Variants in TFR2 observed in about 807,000 individuals in gnomAD.
The protein encoded by TFR2 is transferrin receptor protein 2.
In TFR2, 64 loss-of-function variants were observed where a neutral mutation model predicts 91.9. The observed-to-expected ratio is 0.70, with a 90% confidence interval of 0.57 to 0.86. The LOEUF (loss-of-function observed/expected upper bound fraction) is 0.86, where lower values mean the gene tolerates loss of function less well. Ranked by LOEUF, TFR2 falls within the 40% of genes least tolerant of loss-of-function variation. TFR2 has a pLI of 0.00. For missense variants in TFR2, 950 were observed against 1,080.5 expected, an observed-to-expected ratio of 0.88 and a Z score of 1.69; for synonymous variants, 454 against 459.6, an observed-to-expected ratio of 0.99 and a Z score of 0.15.
At position 100,627,648 on chromosome 7, in the gene TFR2, G is replaced by A; in HGVS notation, c.1696C>T (p.Pro566Ser). 6.2e-7 allele frequency: 1 copy of A among 1,614,028 alleles called. No homozygotes were observed. The highest frequency in any genetic ancestry group is 2.2e-5 in the East Asian group (1 of 44,896). Residue 566 changes from proline (P) to serine (S), a missense_variant, in exon 15 of 18, where the codon CCC becomes TCC. By Grantham distance (74) the Pro-to-Ser change is moderately conservative. Coordinates refer to ENST00000223051, the MANE Select transcript of TFR2 (RefSeq NM_003227.4). ...AAGGAATAGGCACTGCTGTCCATGG[G>A]TAGGGGCCGGATCCTGGGGGCAGGT... ...SWDAEVIRPLPMDSSAYSFTA... is the reference protein window; with the variant it reads ...SWDAEVIRPLSMDSSAYSFTA...
Position 100,620,930 on chromosome 7 carries a change from A to G in TFR2, c.2333T>C (p.Leu778Pro), listed in dbSNP as rs1803085473. ...QESRFRRQLA[L>P]LTWTLQGAAN... ...TGCCCCTTGCAGCGTCCAGGTGAGCAGGGCTAGCTGACGCCGGAAACGGCT... is the reference window on the plus strand; with the variant it reads ...TGCCCCTTGCAGCGTCCAGGTGAGCGGGGCTAGCTGACGCCGGAAACGGCT... The change falls in exon 18 of 18, where the codon CTG (leucine) becomes CCG (proline). Residue 778 changes from leucine (L) to proline (P), a missense_variant. By Grantham distance (98) the Leu-to-Pro change is moderately conservative. Transcript: ENST00000223051. The G allele has an allele frequency of 6.2e-7, 1 of 1,614,066 alleles. No individual in the cohort carries two copies. The highest frequency in any genetic ancestry group is 8.5e-7 in the Non-Finnish European group (1 of 1,179,998).
At chr7:100,632,856 C>T in intron 6 of TFR2, 145 bp downstream of exon 6, 1 of 1,412,508 alleles carries the variant, frequency 7.1e-7, no homozygotes, top group African/African-American at 1.4e-5. Flanking sequence ...CAGGTGAGAA[C>T]CATCGTGCCC....
chr7:100,630,049 C>G (rs1185584748), intron 9 of TFR2, among the ~76,000 whole-genome samples: 1 of 151,940 alleles, frequency 6.6e-6, no homozygotes, highest in Non-Finnish European at 1.5e-5. Context: ...CAGCCAATTT[C>G]TCTTATTTTT....
At position 100,631,840 on chromosome 7, in the gene TFR2, G is replaced by C; in HGVS notation, c.1072C>G (p.Pro358Ala). The C allele has an allele frequency of 6.2e-7, 1 of 1,613,670 alleles. No homozygotes were observed. The highest frequency in any genetic ancestry group is 8.5e-7 in the Non-Finnish European group (1 of 1,179,852). ...SSGLPSIPAQ[P>A]ISADIASRLL... is the part of the protein sequence containing the mutation. ...CGGGAGGCAATGTCTGCACTGATGG[G>C]CTGGGCTGGGATGCTGGGAAGGCCT... The change falls in exon 8 of 18, where the codon CCC (proline) becomes GCC (alanine). Residue 358 changes from proline (P) to alanine (A), a missense_variant. Transcript: ENST00000223051.
At chr7:100,637,832 T>G (rs902416000) in intron 3 of TFR2, among the ~76,000 whole-genome samples, 16 of 45,770 alleles carry the variant, frequency 3.5e-4, no homozygotes, top group South Asian at 9.9e-4. Flanking sequence ...TTAATGTAAT[T>G]TAATTTTTTT....
Position 100,640,889 on chromosome 7 carries a change from TG to T in TFR2, c.287-18del, listed in dbSNP as rs769314543. 2 of 1,613,856 alleles carry T rather than the reference TG, an allele frequency of 1.2e-6. No homozygotes were observed. The highest frequency in any genetic ancestry group is 2.7e-5 in the African/African-American group (2 of 75,002). ...GTAGGAAGGCTGGCGGGTGGCAAGA[TG>T]GGGATTCTCTTTATGCCCACCTCTG... is the stretch of plus-strand genomic sequence containing the variant. On this transcript the variant is annotated intron_variant, in intron 2 of 17. Coordinates refer to ENST00000223051, the MANE Select transcript of TFR2 (RefSeq NM_003227.4).
rs756044574 is a variant in TFR2, at chr7:100,627,740, T to G, written c.1682+4A>C. 2.5e-5 allele frequency: 41 copies of G among 1,611,626 alleles called. No homozygotes were observed. The highest frequency in any genetic ancestry group is 3.4e-5 in the Non-Finnish European group (40 of 1,178,558). The stretch of plus-strand genomic sequence containing the variant: ...CCCCAGCTCTCCCTACCCCCCCAAC[T>G]TACACCTCAGCATCCCAGCTGGGAT... On this transcript the variant is annotated splice_donor_region_variant and intron_variant, in intron 14 of 17. Coordinates refer to ENST00000223051, the MANE Select transcript of TFR2 (RefSeq NM_003227.4).
chr7:100,620,945 C>T lies in TFR2; in HGVS notation c.2318G>A (p.Arg773Gln), dbSNP rs369462289. Reference protein sequence around the residue: ...SSTGFQESRFRRQLALLTWTL... With the variant: ...SSTGFQESRFQRQLALLTWTL... ...CCAGGTGAGCAGGGCTAGCTGACGCCGGAAACGGCTCTCCTGGAAGCCAGT... is the reference window on the plus strand; with the variant it reads ...CCAGGTGAGCAGGGCTAGCTGACGCTGGAAACGGCTCTCCTGGAAGCCAGT... Residue 773 changes from arginine to glutamine, a missense_variant, in exon 18 of 18, where the codon CGG (arginine) becomes CAG (glutamine). Transcript: ENST00000223051. The T allele has an allele frequency of 2.4e-5, 39 of 1,613,818 alleles. No homozygotes were observed. The highest frequency in any genetic ancestry group is 1.3e-4 in the South Asian group (12 of 91,048).
chr7:100,641,385 G>A (rs766329806), intron 1 of TFR2, 92 bp downstream of exon 1: 20 of 1,558,252 alleles, frequency 1.3e-5, no homozygotes, highest in Admixed American at 1.3e-4. Flanking sequence ...GTCAGGACAC[G>A]GTCCAGGAGG....
At chr7:100,624,896 C>T (rs1445101549) in intron 17 of TFR2, among the ~76,000 whole-genome samples, 1 of 151,370 alleles carries the variant, frequency 6.6e-6, no homozygotes, top group Non-Finnish European at 1.5e-5. Context: ...AAAAAACAAG[C>T]GGCAGTTTGA....
intron 6 of TFR2, chr7:100,632,711 G>A (rs1261243697): frequency 2.8e-4 from 94 of 335,074 alleles, no homozygotes; most frequent in African/African-American, 2.5e-3. Flanking sequence ...CACCAGCCCA[G>A]CTAACTAAAA....
intron 3 of TFR2, among the ~76,000 whole-genome samples, chr7:100,638,345 C>T (rs1803618910): frequency 6.6e-6 from 1 of 152,002 alleles, no homozygotes; most frequent in Admixed American, 6.6e-5. Flanking sequence ...GGTGCGGTAC[C>T]TCATTCCTAT....
At chr7:100,621,900 G>A (rs1349298039) in intron 17 of TFR2, among the ~76,000 whole-genome samples, 1 of 151,996 alleles carries the variant, frequency 6.6e-6, no homozygotes, top group African/African-American at 2.4e-5. Context: ...CCCCATCTCT[G>A]GTTTGTTCTG....
intron 9 of TFR2, among the ~76,000 whole-genome samples, chr7:100,630,266 CTCTTTCTCTCTTTCTT>C (rs1803397227): frequency 6.8e-6 from 1 of 147,990 alleles, no homozygotes; most frequent in Non-Finnish European, 1.5e-5. Flanking sequence ...TTTTTTCTTT[CTCTTTCTCTCTTTCTT>C]TCTTTCTCTT....
chr7:100,633,563 G>A lies in TFR2; in HGVS notation c.474-7C>T, dbSNP rs1803512794. On this transcript the variant is annotated splice_region_variant and splice_polypyrimidine_tract_variant and intron_variant, in intron 3 of 17. Coordinates refer to ENST00000223051, the MANE Select transcript of TFR2 (RefSeq NM_003227.4). ...TTCCCGAAGGCTGGTTTGCCTAAGCGGGGAGAGGTGGGGACTTTTCTGGGC... is the reference window on the plus strand; with the variant it reads ...TTCCCGAAGGCTGGTTTGCCTAAGCAGGGAGAGGTGGGGACTTTTCTGGGC... 1.3e-6 allele frequency: 2 copies of A among 1,597,518 alleles called. No individual in the cohort carries two copies. The highest frequency in any genetic ancestry group is 2.2e-5 in the South Asian group (2 of 90,810).
At chr7:100,638,097 G>A (rs1331552632) in intron 3 of TFR2, among the ~76,000 whole-genome samples, 4 of 151,906 alleles carry the variant, frequency 2.6e-5, no homozygotes, top group East Asian at 2.0e-4. Flanking sequence ...TCCGCCTCCC[G>A]GGTTCATGCC....
intron 10 of TFR2, 52 bp from the exon 11 acceptor site, chr7:100,628,358 C>A: frequency 6.4e-7 from 1 of 1,554,558 alleles, no homozygotes; most frequent in South Asian, 1.1e-5. Flanking sequence ...AGCAAAGACC[C>A]TCCCCTTGTC....
rs777201281 is a variant in TFR2 at position 100,632,071 on chromosome 7, C to T, written c.966+11G>A. On this transcript the variant is annotated intron_variant, in intron 7 of 17. Transcript: ENST00000223051. The stretch of plus-strand genomic sequence containing the variant: ...ACCTGGGAACAGCACGACCAGCCTC[C>T]CCAGACTCACATGTCCATACACTGC... 12 of 1,614,126 alleles carry T rather than the reference C, an allele frequency of 7.4e-6. No homozygotes were observed. The East Asian group carries it at 2.7e-4, about 36-fold the overall frequency.
At position 100,633,478 on chromosome 7, in the gene TFR2, G is replaced by C. The variant is rs1391229425; in HGVS notation, c.552C>G (p.Ser184=). The C allele has an allele frequency of 1.9e-6, 3 of 1,612,448 alleles. No individual in the cohort carries two copies. Among genetic ancestry groups the C allele is most frequent in the Non-Finnish European group, 2.5e-6 (3 of 1,179,902 alleles). The change falls in exon 4 of 18, where the codon TCC becomes TCG. Residue 184 remains serine, a synonymous_variant. Transcript: ENST00000223051. Reference sequence around the variant, plus strand: ...TCCACACGTGGTCCAGCTTCTGGCGGGAGAGCGCCGCGCGAATGTCCTGAG... The same window carrying C: ...TCCACACGTGGTCCAGCTTCTGGCGCGAGAGCGCCGCGCGAATGTCCTGAG... ...ALTQDIRAAL[S]RQKLDHVWTD... is the part of the protein sequence containing the mutation.
Sources: gnomAD v4.1 joint callset for allele counts (sites outside exome capture counted in the v4.1 genomes callset) on GRCh38, gnomAD v4.1.1 for gene constraint, MANE v1.5 for transcripts, NCBI Gene and HGNC (gene_info 2026-07-23, HGNC 2026-07-21) for gene names.